The following KIF6 variants were observed in gnomAD, a reference collection of about 807,000 sequenced individuals.
The protein encoded by KIF6 is kinesin-like protein KIF6.
KIF6 carries 106 observed loss-of-function variants against 112.7 expected under a neutral mutation model. The ratio of observed to expected loss-of-function variants is 0.94; its 90% CI spans 0.80 to 1.11. The LOEUF is 1.11. Among genes scored for constraint, KIF6 ranks in the 50% least tolerant of loss-of-function variants. The probability of loss-of-function intolerance (pLI) is 0.00; values close to 1 mark genes in which losing one functional copy is unlikely to be tolerated. For missense variants in KIF6, 929 were observed against 964.0 expected, an observed-to-expected ratio of 0.96 and a Z score of 0.48; for synonymous variants, 339 against 339.9, an observed-to-expected ratio of 1.00 and a Z score of 0.03.
intron 3 of KIF6, among the ~76,000 whole-genome samples, chr6:39,710,312 A>G (rs1228472769): frequency 2.0e-5 from 3 of 152,198 alleles, no homozygotes; most frequent in Non-Finnish European, 4.4e-5. Flanking sequence ...GGTAGGCCAC[A>G]GTGAACAGAA....
intron 9 of KIF6, among the ~76,000 whole-genome samples, 170 bp from the exon 10 acceptor site, chr6:39,578,329 A>T (rs971117554): frequency 6.4e-5 from 8 of 125,172 alleles, no homozygotes; most frequent in African/African-American, 2.5e-4. Flanking sequence ...ATAGTTCTAG[A>T]TTTTTTTTTT....
intron 16 of KIF6, among the ~76,000 whole-genome samples, chr6:39,375,515 C>A (rs1766372275): frequency 6.6e-6 from 1 of 152,090 alleles, no homozygotes; most frequent in African/African-American, 2.4e-5. Context: ...AACAAAAATA[C>A]CAAAAATGGT....
intron 13 of KIF6, among the ~76,000 whole-genome samples, chr6:39,507,638 C>CCTCCTT (rs1776503499): frequency 3.4e-5 from 1 of 29,840 alleles, no homozygotes. Flanking sequence ...CTTTCCTTTC[C>CCTCCTT]CCTTCCTTCC....
chr6:39,494,411 T>G (rs1775650207), intron 13 of KIF6, among the ~76,000 whole-genome samples: 1 of 152,192 alleles, frequency 6.6e-6, no homozygotes, highest in Admixed American at 6.5e-5. Context: ...TAACACTCAA[T>G]GCCAAGAAGG....
At chr6:39,363,764 G>C (rs149610447) in intron 16 of KIF6, among the ~76,000 whole-genome samples, 2 of 152,136 alleles carry the variant, frequency 1.3e-5, no homozygotes, top group South Asian at 4.1e-4. Context: ...TACAGATAAG[G>C]ATATTGAGGT....
At position 39,345,748 on chromosome 6, in the gene KIF6, C is replaced by G. The variant is rs1194938791; in HGVS notation, c.2273G>C (p.Ser758Thr). The change falls in exon 21 of 23, where the codon AGT becomes ACT. Residue 758 changes from serine (S) to threonine (T), a missense_variant. By Grantham distance (58) the Ser-to-Thr change is moderately conservative (BLOSUM62 1). Transcript: ENST00000287152. ...GCTGCTCTGTTTCTGGCTGTGTGGA[C>G]TGGGGCAAGGCGAGGGCAGGATTTT... ...ARKILPSPCP[S>T]PHSQKQSSTS... 11 of 1,613,876 alleles carry G rather than the reference C, an allele frequency of 6.8e-6. No homozygotes were observed. Among genetic ancestry groups the G allele is most frequent in the Non-Finnish European group, 8.5e-6 (10 of 1,179,976 alleles).
intron 10 of KIF6, among the ~76,000 whole-genome samples, chr6:39,561,918 G>A (rs1388848424): frequency 1.3e-5 from 2 of 152,196 alleles, no homozygotes; most frequent in African/African-American, 4.8e-5. Flanking sequence ...AATGCCACGT[G>A]AGAAATGTTT....
chr6:39,633,628 G>A (rs926397320), intron 5 of KIF6, among the ~76,000 whole-genome samples: 1 of 152,188 alleles, frequency 6.6e-6, no homozygotes, highest in Non-Finnish European at 1.5e-5. Flanking sequence ...GAGCAAGCTT[G>A]AGAGCAAGCG....
intron 10 of KIF6, among the ~76,000 whole-genome samples, chr6:39,572,165 T>G (rs1582163885): frequency 1.3e-5 from 2 of 152,278 alleles, no homozygotes; most frequent in East Asian, 3.9e-4. Flanking sequence ...AAACCTTAAG[T>G]CTGCAGAGTC....
Position 39,359,082 on chromosome 6 carries a change from C to T in KIF6, c.2082+1313G>A, listed in dbSNP as rs1053246275. 4.6e-5 allele frequency among the ~76,000 whole-genome samples: 7 copies of T among 152,086 alleles called. No individual in the cohort carries two copies. The South Asian group carries it at 8.3e-4, about 18-fold the overall frequency. ...CAAATATTCTTCTCCATTGTCCTGCCGCGTGGCCACTTGCTATCACACTGG... is the reference window on the plus strand; with the variant it reads ...CAAATATTCTTCTCCATTGTCCTGCTGCGTGGCCACTTGCTATCACACTGG... On this transcript the variant is annotated intron_variant, in intron 18 of 22. Transcript: ENST00000287152.
chr6:39,528,929 A>G (rs1443090941), intron 13 of KIF6, among the ~76,000 whole-genome samples: 3 of 152,208 alleles, frequency 2.0e-5, no homozygotes, highest in Non-Finnish European at 4.4e-5. Context: ...TATCATGAGT[A>G]AAAAGAACAA....
Position 39,392,410 on chromosome 6 carries a change from C to T in KIF6, c.1811-6738G>A, listed in dbSNP as rs1268284080. On this transcript the variant is annotated intron_variant, in intron 15 of 22. Coordinates refer to ENST00000287152, the MANE Select transcript of KIF6 (RefSeq NM_145027.6). ...TCTCTGCTGGGTCTCAGCAGATTTG[C>T]ATAATTAATTTGAGTGCTGCCCTCC... Among the ~76,000 whole-genome samples, 5 of 152,210 alleles carry T rather than the reference C, an allele frequency of 3.3e-5. No homozygotes were observed. In the East Asian group the frequency reaches 9.6e-4, roughly 29 times the overall value.
rs762834670 is a variant in KIF6, at chr6:39,634,848, C to T, written c.509+1G>A. On this transcript the variant is annotated splice_donor_variant, in intron 5 of 22. Transcript: ENST00000287152. LOFTEE classifies it high-confidence loss of function. ...CCATTCTTTGTTGTTCTGCTACTCA[C>T]GGCAAATCTTCCAAACTGGAGGCTT... 8 of 1,561,772 alleles carry T rather than the reference C, an allele frequency of 5.1e-6. No homozygotes were observed. The highest frequency in any genetic ancestry group is 3.4e-4 in the Middle Eastern group (2 of 5,950).
chr6:39,381,838 C>T (rs1450759466), intron 16 of KIF6, among the ~76,000 whole-genome samples: 1 of 152,210 alleles, frequency 6.6e-6, no homozygotes, highest in African/African-American at 2.4e-5. Context: ...AGCCAAAGTG[C>T]TTTCTGTTTG....
chr6:39,464,649 A>C (rs1041845366), intron 13 of KIF6, among the ~76,000 whole-genome samples: 1 of 152,148 alleles, frequency 6.6e-6, no homozygotes, highest in Non-Finnish European at 1.5e-5. Context: ...CACAGCCTGG[A>C]TGCTAGTGGG....
chr6:39,448,663 T>C (rs1772492088), intron 13 of KIF6, among the ~76,000 whole-genome samples: 1 of 152,190 alleles, frequency 6.6e-6, no homozygotes, highest in Non-Finnish European at 1.5e-5. Context: ...CTGGCTTCTC[T>C]TTCCAACCTT....
At chr6:39,709,438 G>A (rs148654265) in intron 3 of KIF6, among the ~76,000 whole-genome samples, 2 of 152,148 alleles carry the variant, frequency 1.3e-5, no homozygotes, top group Admixed American at 6.5e-5. Context: ...ATCTAATGCC[G>A]CAGCTGATCT....
Position 39,373,508 on chromosome 6 carries a change from G to A in KIF6, c.1862-10990C>T, listed in dbSNP as rs376491103. 5.3e-5 allele frequency among the ~76,000 whole-genome samples: 8 copies of A among 152,208 alleles called. No individual in the cohort carries two copies. In the East Asian group the frequency reaches 1.4e-3, roughly 26 times the overall value. On this transcript the variant is annotated intron_variant, in intron 16 of 22. Coordinates refer to ENST00000287152, the MANE Select transcript of KIF6 (RefSeq NM_145027.6). ...ACCAAAAAACTTTTGGTTGATAAGT[G>A]AGTTCAGTAAAGTTACAGGATACCA...
At chr6:39,387,852 G>A (rs1381848278) in intron 15 of KIF6, among the ~76,000 whole-genome samples, 2 of 152,206 alleles carry the variant, frequency 1.3e-5, no homozygotes, top group East Asian at 3.8e-4. Flanking sequence ...AGGAGATATT[G>A]CTGTGACAAA....
Sources: gnomAD v4.1 joint callset for allele counts (sites outside exome capture counted in the v4.1 genomes callset) on GRCh38, gnomAD v4.1.1 for gene constraint, MANE v1.5 for transcripts, NCBI Gene and HGNC (gene_info 2026-07-23, HGNC 2026-07-21) for gene names.